The following CFAP47 variants were observed in gnomAD, a reference collection of about 807,000 sequenced individuals.
CFAP47 encodes cilia- and flagella-associated protein 47.
CFAP47 carries 29 observed loss-of-function variants against 148.1 expected under a neutral mutation model. The observed-to-expected ratio is 0.20, with a 90% CI of 0.15 to 0.27. The LOEUF (loss-of-function observed/expected upper bound fraction) is 0.27, where lower values mean the gene tolerates loss of function less well. Among genes scored for constraint, CFAP47 ranks in the 10% least tolerant of loss-of-function variants. The probability of loss-of-function intolerance (pLI) is 1.00; values close to 1 mark genes in which losing one functional copy is unlikely to be tolerated. For synonymous variants in CFAP47, 664 were observed against 577.3 expected (o/e 1.15, Z -2.15); for missense variants, 1,872 against 1,697.5 (o/e 1.10, Z -1.81).
intron 39 of CFAP47, among the ~76,000 whole-genome samples, chrX:36,178,385 AG>A (rs757033584): frequency 8.9e-6 from 1 of 111,938 alleles, no homozygotes; most frequent in African/African-American, 3.2e-5. Flanking sequence ...ATTTGACTAA[AG>A]AAAAAAATAG....
chrX:35,982,271 G>A (rs1387705402), intron 15 of CFAP47, among the ~76,000 whole-genome samples: 1 of 111,803 alleles, frequency 8.9e-6, no homozygotes, highest in Non-Finnish European at 1.9e-5. Flanking sequence ...GATTAGTGAT[G>A]TTGAGAATTT....
At chrX:36,029,160 G>A (rs1937254190) in intron 22 of CFAP47, among the ~76,000 whole-genome samples, 1 of 110,668 alleles carries the variant, frequency 9.0e-6, no homozygotes, top group African/African-American at 3.3e-5. Flanking sequence ...AGATTTTCTA[G>A]TTTGTGAGTG....
At chrX:35,989,581 T>C (rs767235292) in intron 16 of CFAP47, 132 bp downstream of exon 16, 1 of 1,163,386 alleles carries the variant, frequency 8.6e-7, no homozygotes. Flanking sequence ...GTACTAGTTT[T>C]TTTGTTAGAG....
chrX:36,009,198 CTT>C (rs746671216), intron 21 of CFAP47, among the ~76,000 whole-genome samples: 2 of 111,086 alleles, frequency 1.8e-5, no homozygotes, highest in South Asian at 7.5e-4. Flanking sequence ...GAAACATACT[CTT>C]TGGCAGTATT....
Position 36,099,210 on chromosome X carries a change from C to T in CFAP47, c.4998+336C>T, listed in dbSNP as rs942103983. The stretch of plus-strand genomic sequence containing the variant: ...AAAGAAAATACTGGTTTTATTTCAC[C>T]ACCATGTGCCACTTTTCTTCTTCGT... On this transcript the variant is annotated intron_variant, in intron 31 of 63. Coordinates refer to ENST00000378653, the MANE Select transcript of CFAP47 (RefSeq NM_001304548.2). 3.6e-5 allele frequency among the ~76,000 whole-genome samples: 4 copies of T among 111,305 alleles called. No homozygotes were observed. In the East Asian group the frequency reaches 1.1e-3, roughly 31 times the overall value.
intron 36 of CFAP47, among the ~76,000 whole-genome samples, chrX:36,146,941 C>T (rs1363623793): frequency 1.8e-5 from 2 of 110,478 alleles, no homozygotes; most frequent in Middle Eastern, 4.3e-3. Context: ...GCCACCATGC[C>T]CAGCTAATTT....
chrX:35,950,183 A>G (rs1290210619), intron 4 of CFAP47, among the ~76,000 whole-genome samples: 2 of 111,585 alleles, frequency 1.8e-5, no homozygotes, highest in East Asian at 5.6e-4. Flanking sequence ...ATAGTGTAAG[A>G]TAAGGGTTAG....
At chrX:36,305,319 A>G (rs1368364846) in intron 54 of CFAP47, among the ~76,000 whole-genome samples, 4 of 111,829 alleles carry the variant, frequency 3.6e-5, no homozygotes, top group Non-Finnish European at 7.5e-5. Flanking sequence ...TATAATTTAT[A>G]TATTACTGAA....
intron 39 of CFAP47, among the ~76,000 whole-genome samples, chrX:36,172,967 C>G (rs868677427): frequency 1.2e-3 from 128 of 111,155 alleles, no homozygotes; most frequent in African/African-American, 4.1e-3. Flanking sequence ...ATTATTGCCA[C>G]AATTTCAGCT....
At chrX:36,256,081 T>C (rs1406777506) in intron 49 of CFAP47, among the ~76,000 whole-genome samples, 1 of 111,958 alleles carries the variant, frequency 8.9e-6, no homozygotes, top group Non-Finnish European at 1.9e-5. Context: ...CTGGTATAGA[T>C]AAATATGAGA....
At chrX:35,932,004 T>TCCTC (rs61098610) in intron 2 of CFAP47, among the ~76,000 whole-genome samples, 2,933 of 97,705 alleles carry the variant, frequency 0.03, 188 homozygotes, top group African/African-American at 0.11. Context: ...CTTCTTGGCT[T>TCCTC]CCTCCCTCCC....
At chrX:36,087,474 G>C (rs747265152) in intron 30 of CFAP47, among the ~76,000 whole-genome samples, 1 of 111,866 alleles carries the variant, frequency 8.9e-6, no homozygotes, top group African/African-American at 3.2e-5. Flanking sequence ...AATGAGAATG[G>C]TTATATCAGT....
At chrX:36,304,111 G>C (rs369950775) in intron 54 of CFAP47, among the ~76,000 whole-genome samples, 151 bp downstream of exon 54, 3 of 111,744 alleles carry the variant, frequency 2.7e-5, no homozygotes, top group African/African-American at 9.7e-5. Flanking sequence ...GCCCAGCGGG[G>C]TGGCTCATGC....
chrX:36,199,671 G>A (rs1555987687), intron 42 of CFAP47, among the ~76,000 whole-genome samples: 1 of 111,494 alleles, frequency 9.0e-6, no homozygotes, highest in African/African-American at 3.3e-5. Flanking sequence ...CTAATGATTG[G>A]CTATACATTG....
At chrX:35,981,902 C>T (rs763850380) in intron 15 of CFAP47, among the ~76,000 whole-genome samples, 4 of 111,645 alleles carry the variant, frequency 3.6e-5, no homozygotes, top group South Asian at 3.7e-4. Flanking sequence ...ATATGTACCA[C>T]ATTTTCTTTA....
intron 11 of CFAP47, 62 bp from the exon 12 acceptor site, chrX:35,971,524 C>T (rs1405843017): frequency 2.6e-6 from 2 of 760,541 alleles, no homozygotes; most frequent in Non-Finnish European, 3.7e-6. Flanking sequence ...CTTGAATTTA[C>T]AGATGCATTT....
chrX:35,925,423 T>G (rs771998412), intron 1 of CFAP47, among the ~76,000 whole-genome samples: 1 of 111,481 alleles, frequency 9.0e-6, no homozygotes, highest in East Asian at 2.8e-4. Context: ...AGAATGGATT[T>G]TAAATGTTCC....
intron 42 of CFAP47, among the ~76,000 whole-genome samples, chrX:36,192,599 G>A (rs782448872): frequency 1.2e-3 from 129 of 111,316 alleles, no homozygotes; most frequent in African/African-American, 3.9e-3. Context: ...GCCTGACCTG[G>A]GGGCTGAGTT....
At chrX:36,297,852 T>G (rs1941257747) in intron 51 of CFAP47, among the ~76,000 whole-genome samples, 2 of 111,759 alleles carry the variant, frequency 1.8e-5, no homozygotes, top group Admixed American at 9.5e-5. Flanking sequence ...ATGTGGAAAC[T>G]TTTTAGAAAT....
Sources: allele counts gnomAD v4.1 joint callset (sites outside exome capture counted in the v4.1 genomes callset), GRCh38; gene constraint gnomAD v4.1.1; transcripts MANE v1.5; gene names NCBI Gene and HGNC (gene_info 2026-07-23, HGNC 2026-07-21).